TLN2: variants seen among roughly 807,000 people sequenced by gnomAD.
The protein encoded by TLN2 is talin 2, also known as talin-2.
TLN2 carries 118 observed loss-of-function variants against 294.7 expected under a neutral mutation model. That is an observed-to-expected ratio of 0.40 (90% confidence interval 0.34 to 0.47). TLN2 has a LOEUF of 0.47. Among genes scored for constraint, TLN2 ranks in the 20% least tolerant of loss-of-function variants. The pLI, the probability that TLN2 is intolerant of heterozygous loss-of-function variation, is 0.84. For missense variants in TLN2, 3,083 were observed against 3,282.2 expected, an observed-to-expected ratio of 0.94 and a Z score of 1.48; for synonymous variants, 1,431 against 1,304.5, an observed-to-expected ratio of 1.10 and a Z score of -2.09.
chr15:62,439,995 A>C lies in TLN2; in HGVS notation c.-238+49310A>C, dbSNP rs116461318. Reference sequence around the variant, plus strand: ...CCATGCAAGGCAGGACTCCCAGGGCAGTGACTGGATTTTAGACAGGGCAGG... The same window carrying C: ...CCATGCAAGGCAGGACTCCCAGGGCCGTGACTGGATTTTAGACAGGGCAGG... On this transcript the variant is annotated intron_variant, in intron 1 of 58. Coordinates refer to ENST00000636159, the MANE Select transcript of TLN2 (RefSeq NM_015059.3). 7.7e-3 allele frequency among the ~76,000 whole-genome samples: 1,179 copies of C among 152,282 alleles called. 14 individuals are homozygous for C. The highest frequency in any genetic ancestry group is 0.027 in the African/African-American group (1,115 of 41,548).
rs2033217496 is a variant in TLN2 at position 62,403,997 on chromosome 15, T to C, written c.-238+13312T>C. Among the ~76,000 whole-genome samples, 3 of 152,186 alleles carry C rather than the reference T, an allele frequency of 2.0e-5. No individual in the cohort carries two copies. The South Asian group carries it at 6.2e-4, about 32-fold the overall frequency. On this transcript the variant is annotated intron_variant, in intron 1 of 58. Transcript: ENST00000636159. ...AGTGCCTGCAAGAATGCCTGGCACATGATAGGTACTCGACAAAAAATTCTT... is the reference window on the plus strand; with the variant it reads ...AGTGCCTGCAAGAATGCCTGGCACACGATAGGTACTCGACAAAAAATTCTT...
chr15:62,406,837 C>A (rs1372775289), intron 1 of TLN2, among the ~76,000 whole-genome samples: 1 of 152,094 alleles, frequency 6.6e-6, no homozygotes, highest in African/African-American at 2.4e-5. Context: ...TTTATGAGGA[C>A]AACAATCATA....
At chr15:62,793,609 C>T (rs2141121476) in intron 46 of TLN2, among the ~76,000 whole-genome samples, 1 of 152,246 alleles carries the variant, frequency 6.6e-6, no homozygotes, top group African/African-American at 2.4e-5. Flanking sequence ...CAGTTTTCCC[C>T]AGTTAACCAC....
rs377652265 is a variant in TLN2, at chr15:62,741,043, C to A, written c.4025+274C>A. On this transcript the variant is annotated intron_variant, in intron 32 of 58. Coordinates refer to ENST00000636159, the MANE Select transcript of TLN2 (RefSeq NM_015059.3). ...TAAGGTCCATTTTGACTTGTAAATG[C>A]AATGAATTAAACAGATTTTTTTTAA... 5.3e-5 allele frequency among the ~76,000 whole-genome samples: 8 copies of A among 152,290 alleles called. No homozygotes were observed. The East Asian group carries it at 7.7e-4, about 15-fold the overall frequency.
intron 54 of TLN2, among the ~76,000 whole-genome samples, chr15:62,825,711 A>T: frequency 8.1e-6 from 1 of 123,520 alleles, no homozygotes; most frequent in South Asian, 2.4e-4. Flanking sequence ...TATATATATA[A>T]ATATAAATAT....
rs1028410629 is a variant in TLN2 at position 62,742,079 on chromosome 15, G to A, written c.4025+1310G>A. Among the ~76,000 whole-genome samples, 7 of 147,996 alleles carry A rather than the reference G, an allele frequency of 4.7e-5. No individual in the cohort carries two copies. The South Asian group carries it at 8.7e-4, about 18-fold the overall frequency. On this transcript the variant is annotated intron_variant, in intron 32 of 58. Coordinates refer to ENST00000636159, the MANE Select transcript of TLN2 (RefSeq NM_015059.3). ...TGTGTGTGTGTGTGTGTGTGTGAAG[G>A]GTTAGACACTGTCAGAGCAGTTTGC...
intron 1 of TLN2, 138 bp from the exon 2 acceptor site, chr15:62,589,549 C>G (rs1349166406): frequency 6.6e-6 from 1 of 152,162 alleles, no homozygotes; most frequent in Non-Finnish European, 1.5e-5. Context: ...ATTCCCAGCC[C>G]ATGTGTTGTG....
intron 25 of TLN2, 68 bp from the exon 26 acceptor site, chr15:62,722,285 G>C: frequency 6.6e-7 from 1 of 1,513,544 alleles, no homozygotes. Context: ...AGACCTCGCT[G>C]CTTAGGTCTC....
At chr15:62,700,219 C>G (rs555844915) in intron 16 of TLN2, among the ~76,000 whole-genome samples, 247 of 152,274 alleles carry the variant, frequency 1.6e-3, no homozygotes, top group African/African-American at 5.8e-3. Context: ...CCTGCTTCAC[C>G]AGTTTTCAAA....
At chr15:62,401,384 A>G (rs374354526) in intron 1 of TLN2, among the ~76,000 whole-genome samples, 2 of 152,108 alleles carry the variant, frequency 1.3e-5, no homozygotes, top group East Asian at 3.9e-4. Flanking sequence ...TTTTCTAGTG[A>G]TTTCCTAGGT....
At chr15:62,712,577 T>G (rs1228399144) in intron 22 of TLN2, among the ~76,000 whole-genome samples, 10 of 152,244 alleles carry the variant, frequency 6.6e-5, no homozygotes, top group Non-Finnish European at 1.5e-4. Flanking sequence ...TTATGCTTTT[T>G]GACAGCTGTG....
At chr15:62,399,259 A>AAC (rs2032821806) in intron 1 of TLN2, among the ~76,000 whole-genome samples, 1 of 145,120 alleles carries the variant, frequency 6.9e-6, no homozygotes, top group Non-Finnish European at 1.5e-5. Flanking sequence ...TCTCAAACAA[A>AAC]AAAAAAAAAA....
At chr15:62,528,663 G>C (rs1016599090) in intron 1 of TLN2, among the ~76,000 whole-genome samples, 3 of 143,018 alleles carry the variant, frequency 2.1e-5, no homozygotes, top group Admixed American at 1.5e-4. Context: ...AGTGTATCCA[G>C]AGCTTGCTTT....
rs763264564 is a variant in TLN2 at position 62,835,809 on chromosome 15, C to T, written c.7191+10C>T. 1 of 1,614,234 alleles carries T rather than the reference C, an allele frequency of 6.2e-7. No individual in the cohort carries two copies. The highest frequency in any genetic ancestry group is 1.3e-5 in the African/African-American group (1 of 75,064). On this transcript the variant is annotated intron_variant, in intron 56 of 58. Coordinates refer to ENST00000636159, the MANE Select transcript of TLN2 (RefSeq NM_015059.3). ...GGGGCTGATTTCTGCTGTGAGTTGC[C>T]TTCTCCTTCCTCCCAGTTTGCTTTT...
At chr15:62,808,401 A>G (rs924467654) in intron 51 of TLN2, among the ~76,000 whole-genome samples, 1 of 152,226 alleles carries the variant, frequency 6.6e-6, no homozygotes, top group Non-Finnish European at 1.5e-5. Flanking sequence ...TTTAAAAATC[A>G]TGAACTTTAC....
At chr15:62,409,993 C>T (rs998641601) in intron 1 of TLN2, among the ~76,000 whole-genome samples, 67 of 152,260 alleles carry the variant, frequency 4.4e-4, no homozygotes, top group African/African-American at 1.6e-3. Flanking sequence ...CCTGTGATCC[C>T]AGTACTTTGG....
At chr15:62,422,219 CAAAAAAA>C (rs386383227) in intron 1 of TLN2, among the ~76,000 whole-genome samples, 6 of 55,358 alleles carry the variant, frequency 1.1e-4, no homozygotes, top group East Asian at 1.5e-3. Flanking sequence ...AACTCTGTCT[CAAAAAAA>C]AAAAAAAAAA....
At chr15:62,506,429 G>A (rs958413950) in intron 1 of TLN2, among the ~76,000 whole-genome samples, 7 of 152,352 alleles carry the variant, frequency 4.6e-5, no homozygotes, top group African/African-American at 1.7e-4. Flanking sequence ...TCTGCATGAG[G>A]TAGTCACATG....
chr15:62,806,745 C>A (rs912553070), intron 51 of TLN2, among the ~76,000 whole-genome samples: 1 of 152,186 alleles, frequency 6.6e-6, no homozygotes, highest in African/African-American at 2.4e-5. Context: ...TTGGGACAGC[C>A]TTGCCCCCAG....
Sources: allele counts gnomAD v4.1 joint callset (sites outside exome capture counted in the v4.1 genomes callset), GRCh38; gene constraint gnomAD v4.1.1; transcripts MANE v1.5; gene names NCBI Gene and HGNC (gene_info 2026-07-23, HGNC 2026-07-21).